ARHGEF37: variants seen among roughly 807,000 people sequenced by gnomAD.
ARHGEF37 encodes the protein Rho guanine nucleotide exchange factor (GEF) 37.
A neutral mutation model predicts 71.1 loss-of-function variants in ARHGEF37; 55 were observed. The observed-to-expected ratio is 0.77, with a 90% confidence interval of 0.62 to 0.97. The LOEUF (loss-of-function observed/expected upper bound fraction) is 0.97, where lower values mean the gene tolerates loss of function less well. Among genes scored for constraint, ARHGEF37 ranks in the 50% least tolerant of loss-of-function variants. ARHGEF37 has a pLI of 0.00. For synonymous variants in ARHGEF37, 327 were observed against 350.6 expected, an observed-to-expected ratio of 0.93 and a Z score of 0.75; for missense variants, 765 against 836.8, an observed-to-expected ratio of 0.91 and a Z score of 1.06.
chr5:149,562,174 C>A (rs1195548975), intron 1 of ARHGEF37, among the ~76,000 whole-genome samples: 1 of 151,776 alleles, frequency 6.6e-6, no homozygotes, highest in Non-Finnish European at 1.5e-5. Flanking sequence ...AAAAGACTTT[C>A]TGCAGTGAAC....
intron 1 of ARHGEF37, among the ~76,000 whole-genome samples, chr5:149,588,231 C>T (rs1580895041): frequency 1.4e-5 from 2 of 139,040 alleles, no homozygotes; most frequent in East Asian, 4.4e-4. Flanking sequence ...TGTTTGTTTG[C>T]TTTGAGACAG....
chr5:149,563,784 G>T (rs920120076), intron 1 of ARHGEF37, among the ~76,000 whole-genome samples: 1 of 152,010 alleles, frequency 6.6e-6, no homozygotes, highest in East Asian at 1.9e-4. Context: ...TTTTGACAAG[G>T]TCATCACTGT....
At chr5:149,598,409 TCTTCTCCTTCTTCTC>T (rs1303655460) in intron 2 of ARHGEF37, among the ~76,000 whole-genome samples, 105 of 141,372 alleles carry the variant, frequency 7.4e-4, no homozygotes, top group African/African-American at 2.4e-3. Context: ...TTCCTCTTCC[TCTTCTCCTTCTTCTC>T]CTTCTCCTTC....
At chr5:149,622,802 C>G (rs141075912) in intron 9 of ARHGEF37, among the ~76,000 whole-genome samples, 15 of 152,302 alleles carry the variant, frequency 9.8e-5, no homozygotes, top group Non-Finnish European at 1.6e-4. Flanking sequence ...GGAGTTGATA[C>G]AAGAAAGAAC....
intron 2 of ARHGEF37, 51 bp downstream of exon 2, chr5:149,598,006 T>C (rs1323204265): frequency 2.0e-6 from 3 of 1,493,722 alleles, no homozygotes. Flanking sequence ...CAAATGTGGG[T>C]CCCAGCTTCT....
intron 1 of ARHGEF37, among the ~76,000 whole-genome samples, chr5:149,564,357 T>G (rs1393852067): frequency 6.6e-6 from 1 of 152,130 alleles, no homozygotes; most frequent in East Asian, 1.9e-4. Context: ...GATATCTTAC[T>G]TAACTTGCCC....
At chr5:149,570,555 A>G (rs1467046161) in intron 1 of ARHGEF37, among the ~76,000 whole-genome samples, 1 of 144,070 alleles carries the variant, frequency 6.9e-6, no homozygotes, top group African/African-American at 2.6e-5. Flanking sequence ...AAGCCTGGAC[A>G]ACAAGTGCGA....
At chr5:149,587,893 TC>T (rs1561790074) in intron 1 of ARHGEF37, among the ~76,000 whole-genome samples, 1 of 101,158 alleles carries the variant, frequency 9.9e-6, no homozygotes. Context: ...CTCCCTTTAG[TC>T]TTTTTTTTTT....
Position 149,621,881 on chromosome 5 carries a change from C to G in ARHGEF37, c.1154C>G (p.Thr385Ser). ...AAGCTGCTGGAGGTGGGCAGTGTGA[C>G]CTACCAGGAGGAGGCCGCCCGGCAC... The part of the protein sequence containing the change: ...EEKLLEVGSV[T>S]YQEEAARHTY... Residue 385 changes from threonine (T) to serine (S), a missense_variant, in exon 9 of 13, where the codon ACC (threonine) becomes AGC (serine). By Grantham distance (58) the Thr-to-Ser change is moderately conservative. Transcript: ENST00000333677. The G allele has an allele frequency of 1.2e-6, 2 of 1,614,218 alleles. No homozygotes were observed. Among genetic ancestry groups the G allele is most frequent in the Non-Finnish European group, 1.7e-6 (2 of 1,180,040 alleles).
chr5:149,584,439 A>G (rs1476624969), intron 1 of ARHGEF37, among the ~76,000 whole-genome samples: 2 of 152,156 alleles, frequency 1.3e-5, no homozygotes, highest in Non-Finnish European at 2.9e-5. Flanking sequence ...CCTCACTTCC[A>G]ATCATTTATT....
At chr5:149,577,635 G>C (rs937185381), upstream of ARHGEF37, among the ~76,000 whole-genome samples, 1 of 152,190 alleles carries the variant, frequency 6.6e-6, no homozygotes, top group Non-Finnish European at 1.5e-5. Flanking sequence ...TCCAGGTTTG[G>C]AGCATTCAGC....
chr5:149,627,234 C>T lies in ARHGEF37; in HGVS notation c.1623C>T (p.Thr541=). 1 of 1,613,978 alleles carries T rather than the reference C, an allele frequency of 6.2e-7. No homozygotes were observed. Among genetic ancestry groups the T allele is most frequent in the Non-Finnish European group, 8.5e-7 (1 of 1,180,028 alleles). ...QIVAILQNKD[T]KGNSGRWLVD... is the part of the protein sequence containing the mutation. ...TGGCCATCCTTCAAAACAAGGACAC[C>T]AAAGGCAACAGCGGCCGCTGGCTGG... Residue 541 remains threonine (T), a synonymous_variant, in exon 11 of 13, where the codon ACC becomes ACT. Coordinates refer to ENST00000333677, the MANE Select transcript of ARHGEF37 (RefSeq NM_001001669.3).
chr5:149,586,074 A>G (rs916005190), intron 1 of ARHGEF37, among the ~76,000 whole-genome samples: 1 of 152,354 alleles, frequency 6.6e-6, no homozygotes, highest in East Asian at 1.9e-4. Context: ...CTGATGAATA[A>G]TAGACACATG....
upstream of ARHGEF37, among the ~76,000 whole-genome samples, chr5:149,580,787 A>T (rs1447325357): frequency 6.6e-6 from 1 of 152,238 alleles, no homozygotes; most frequent in Non-Finnish European, 1.5e-5. Flanking sequence ...GAAGTGGCAG[A>T]ATGAGAAAAG....
intron 9 of ARHGEF37, among the ~76,000 whole-genome samples, chr5:149,622,864 G>A (rs913866356): frequency 6.6e-6 from 1 of 152,226 alleles, no homozygotes; most frequent in African/African-American, 2.4e-5. Flanking sequence ...GAGCTGAATT[G>A]CTGTTGGGTC....
intron 8 of ARHGEF37, 109 bp from the exon 9 acceptor site, chr5:149,621,624 A>G: frequency 2.0e-6 from 2 of 999,824 alleles, no homozygotes; most frequent in South Asian, 1.6e-5. Flanking sequence ...CCAGCTAGTC[A>G]GTGGGAGTTA....
intron 1 of ARHGEF37, chr5:149,552,241 A>T (rs1244696751): frequency 6.8e-6 from 1 of 146,188 alleles, no homozygotes; most frequent in East Asian, 1.9e-4. Flanking sequence ...AAAAAAAAAA[A>T]AAAGAATCGT....
At chr5:149,591,145 C>G (rs1763394151) in intron 1 of ARHGEF37, among the ~76,000 whole-genome samples, 1 of 151,038 alleles carries the variant, frequency 6.6e-6, no homozygotes, top group Non-Finnish European at 1.5e-5. Flanking sequence ...TTGCATGGCT[C>G]TCTGTGGTCT....
chr5:149,569,550 C>T, intron 1 of ARHGEF37, among the ~76,000 whole-genome samples: 1 of 152,122 alleles, frequency 6.6e-6, no homozygotes, highest in East Asian at 1.9e-4. Flanking sequence ...GAACTCCTGA[C>T]CTCAGGTGAT....
Sources: gnomAD v4.1 joint callset for allele counts (sites outside exome capture counted in the v4.1 genomes callset) on GRCh38, gnomAD v4.1.1 for gene constraint, MANE v1.5 for transcripts, NCBI Gene and HGNC (gene_info 2026-07-23, HGNC 2026-07-21) for gene names.